Variants in SIN3A observed in about 807,000 individuals in gnomAD.
The protein encoded by SIN3A is paired amphipathic helix protein Sin3a.
A neutral mutation model predicts 146.1 loss-of-function variants in SIN3A; 14 were observed. The ratio of observed to expected loss-of-function variants is 0.10; its 90% confidence interval spans 0.06 to 0.15. The LOEUF (loss-of-function observed/expected upper bound fraction) is 0.15, where lower values mean the gene tolerates loss of function less well. SIN3A is among the 10% of genes least tolerant of loss of function. The pLI is 1.00. For synonymous variants in SIN3A, 572 were observed against 572.0 expected (o/e 1.00, Z 0.00); for missense variants, 1,028 against 1,576.0 (o/e 0.65, Z 5.89).
At chr15:75,380,776 T>G in intron 18 of SIN3A, 53 bp from the exon 19 acceptor site, 9 of 1,237,778 alleles carry the variant, frequency 7.3e-6, no homozygotes, top group African/African-American at 1.5e-5. Flanking sequence ...AAACAGCTCC[T>G]AATGCATTGG....
At position 75,412,871 on chromosome 15, in the gene SIN3A, G is replaced by A; in HGVS notation, c.648C>T (p.Ile216=). The change falls in exon 5 of 21, where the codon ATC becomes ATT. Residue 216 remains isoleucine (I), a synonymous_variant. Coordinates refer to ENST00000394947, the MANE Select transcript of SIN3A (RefSeq NM_001145358.2). ...GGGGTGGTGGTTGAGGCTGTGGCTG[G>A]ATGCCATGGGTGGGAATCTGATGAA... The part of the protein sequence containing the change: ...GQVHQIPTHG[I]QPQPQPPPQH... 1 of 1,613,606 alleles carries A rather than the reference G, an allele frequency of 6.2e-7. No individual in the cohort carries two copies. Among genetic ancestry groups the A allele is most frequent in the South Asian group, 1.1e-5 (1 of 90,994 alleles).
chr15:75,385,503 A>C (rs1158553189), intron 16 of SIN3A, among the ~76,000 whole-genome samples: 1 of 152,252 alleles, frequency 6.6e-6, no homozygotes, highest in Admixed American at 6.5e-5. Context: ...AACGTTTCAG[A>C]GTTCCCATTC....
At chr15:75,393,449 T>C (rs2073246613) in intron 14 of SIN3A, among the ~76,000 whole-genome samples, 6 of 152,060 alleles carry the variant, frequency 3.9e-5, no homozygotes. Context: ...CAATCTTGGC[T>C]CATTGTAACC....
At chr15:75,441,887 G>A (rs1184885546) in intron 1 of SIN3A, among the ~76,000 whole-genome samples, 1 of 151,828 alleles carries the variant, frequency 6.6e-6, no homozygotes, top group Non-Finnish European at 1.5e-5. Context: ...CTCAGAGGCC[G>A]AGGCGGGTGG....
At chr15:75,391,551 T>A (rs2073201504) in intron 15 of SIN3A, among the ~76,000 whole-genome samples, 1 of 151,868 alleles carries the variant, frequency 6.6e-6, no homozygotes, top group African/African-American at 2.4e-5. Flanking sequence ...GTTGGCTATT[T>A]CCTTAAGAGC....
Position 75,409,862 on chromosome 15 carries a change from G to T in SIN3A, c.1291C>A (p.Pro431Thr), listed in dbSNP as rs543871480. 2 of 1,613,026 alleles carry T rather than the reference G, an allele frequency of 1.2e-6. No individual in the cohort carries two copies. Among genetic ancestry groups the T allele is most frequent in the Admixed American group, 1.7e-5 (1 of 60,010 alleles). The stretch of plus-strand genomic sequence containing the variant: ...TTAACTGGAGGGGTGGTTCCTGTAG[G>T]ATGTCTGCGGATCTGGCAGCCATTC... The part of the protein sequence containing the change: ...SQNGCQIRRH[P>T]TGTTPPVKKK... The change falls in exon 8 of 21, where the codon CCT becomes ACT. Residue 431 changes from proline (P) to threonine (T), a missense_variant. Physicochemically the swap from Pro to Thr is conservative, Grantham distance 38. Around this residue, in one of 9 missense-constraint regions of SIN3A, gnomAD observed 62 missense variants for 63.5 expected, o/e 0.98. Coordinates refer to ENST00000394947, the MANE Select transcript of SIN3A (RefSeq NM_001145358.2).
At chr15:75,427,161 C>A (rs572914436) in intron 2 of SIN3A, among the ~76,000 whole-genome samples, 1 of 149,342 alleles carries the variant, frequency 6.7e-6, no homozygotes, top group Non-Finnish European at 1.5e-5. Context: ...TCACTTAAAA[C>A]CAGGAGTTTA....
chr15:75,438,222 G>A (rs537223549), intron 1 of SIN3A, among the ~76,000 whole-genome samples: 25 of 152,184 alleles, frequency 1.6e-4, no homozygotes, highest in Admixed American at 1.4e-3. Flanking sequence ...CAAATTAGCC[G>A]GGTGTGGTTG....
intron 20 of SIN3A, among the ~76,000 whole-genome samples, chr15:75,374,268 G>C (rs898966546): frequency 1.3e-5 from 2 of 152,174 alleles, no homozygotes; most frequent in African/African-American, 2.4e-5. Flanking sequence ...GGCTGAGGAG[G>C]GTGGATCACT....
At chr15:75,429,604 T>G (rs2073981049) in intron 2 of SIN3A, among the ~76,000 whole-genome samples, 1 of 152,236 alleles carries the variant, frequency 6.6e-6, no homozygotes, top group African/African-American at 2.4e-5. Flanking sequence ...ATTTAAATTC[T>G]GGCACAAGCT....
At chr15:75,377,534 A>T (rs535156015) in intron 19 of SIN3A, among the ~76,000 whole-genome samples, 32 of 151,986 alleles carry the variant, frequency 2.1e-4, no homozygotes, top group Non-Finnish European at 2.8e-4. Flanking sequence ...GTGAGACAGG[A>T]GAATCACTTG....
intron 9 of SIN3A, among the ~76,000 whole-genome samples, chr15:75,405,559 T>G (rs146368013): frequency 9.3e-4 from 141 of 152,150 alleles, no homozygotes; most frequent in African/African-American, 3.3e-3. Flanking sequence ...AAGACCAGCC[T>G]GGCCAACATG....
intron 3 of SIN3A, among the ~76,000 whole-genome samples, chr15:75,418,662 G>C (rs771171581): frequency 3.9e-5 from 6 of 151,926 alleles, no homozygotes; most frequent in Admixed American, 2.0e-4. Context: ...AACTTCTCCA[G>C]AACTGTGAGA....
intron 20 of SIN3A, among the ~76,000 whole-genome samples, chr15:75,374,903 C>T (rs1186070460): frequency 6.6e-6 from 1 of 152,184 alleles, no homozygotes; most frequent in African/African-American, 2.4e-5. Context: ...CATCGCATTA[C>T]TTCATCTGCT....
intron 3 of SIN3A, among the ~76,000 whole-genome samples, chr15:75,416,230 G>C (rs184631883): frequency 5.9e-5 from 9 of 152,342 alleles, no homozygotes; most frequent in African/African-American, 2.2e-4. Context: ...GTCACTAATA[G>C]AATGTCTTTG....
At chr15:75,390,881 A>G (rs1457255834) in intron 15 of SIN3A, among the ~76,000 whole-genome samples, 1 of 152,192 alleles carries the variant, frequency 6.6e-6, no homozygotes, top group Non-Finnish European at 1.5e-5. Flanking sequence ...CGGCCTATAC[A>G]TTGCACTTCA....
chr15:75,383,174 A>T (rs1261117381), intron 17 of SIN3A, among the ~76,000 whole-genome samples: 1 of 151,808 alleles, frequency 6.6e-6, no homozygotes, highest in Non-Finnish European at 1.5e-5. Context: ...AGGGTGGCTG[A>T]CGTGTGAGAA....
intron 19 of SIN3A, among the ~76,000 whole-genome samples, chr15:75,379,332 G>A (rs1033823641): frequency 1.1e-4 from 16 of 152,108 alleles, no homozygotes; most frequent in African/African-American, 2.7e-4. Flanking sequence ...GAGTGTAAGG[G>A]GTCTCAAGGC....
At chr15:75,388,003 T>TGTG (rs1360919254) in intron 16 of SIN3A, among the ~76,000 whole-genome samples, 1 of 152,190 alleles carries the variant, frequency 6.6e-6, no homozygotes, top group African/African-American at 2.4e-5. Flanking sequence ...TGAAGGGCTC[T>TGTG]TCCTCAATCC....
Sources: gnomAD v4.1 joint callset for allele counts (sites outside exome capture counted in the v4.1 genomes callset) on GRCh38, gnomAD v4.1.1 for gene constraint, gnomAD v4.1.1 regional missense constraint, MANE v1.5 for transcripts, NCBI Gene and HGNC (gene_info 2026-07-23, HGNC 2026-07-21) for gene names.